The following ROR2 variants were observed in gnomAD, a reference collection of about 807,000 sequenced individuals.
ROR2 encodes tyrosine-protein kinase transmembrane receptor ROR2.
Under a neutral mutation model 74.9 loss-of-function variants are expected in ROR2, and 33 were observed. The ratio of observed to expected loss-of-function variants is 0.44; its 90% confidence interval spans 0.33 to 0.59. ROR2 has a LOEUF of 0.59. Among genes scored for constraint, ROR2 ranks in the 20% least tolerant of loss-of-function variants. The probability of loss-of-function intolerance (pLI) is 0.02; values close to 1 mark genes in which losing one functional copy is unlikely to be tolerated. For synonymous variants in ROR2, 586 were observed against 558.7 expected (o/e 1.05, Z -0.69); for missense variants, 1,216 against 1,313.8 (o/e 0.93, Z 1.15).
intron 1 of ROR2, among the ~76,000 whole-genome samples, chr9:91,837,591 G>A (rs1828647728): frequency 6.6e-6 from 1 of 152,202 alleles, no homozygotes; most frequent in African/African-American, 2.4e-5. Flanking sequence ...TAAGGGGCTT[G>A]GGGAAGAAGG....
intron 1 of ROR2, among the ~76,000 whole-genome samples, chr9:91,879,437 G>A (rs573113661): frequency 6.8e-6 from 1 of 147,502 alleles, no homozygotes; most frequent in Non-Finnish European, 1.5e-5. Flanking sequence ...TGTGGGTGTG[G>A]GGGGGTGTGT....
intron 1 of ROR2, among the ~76,000 whole-genome samples, chr9:91,806,871 A>G (rs146223362): frequency 0.023 from 3,572 of 152,254 alleles, 58 homozygotes; most frequent in Middle Eastern, 0.037. Context: ...TTACAGGCAT[A>G]AGCCATCGCG....
intron 1 of ROR2, among the ~76,000 whole-genome samples, chr9:91,830,822 G>GTGTGT (rs1554680727): frequency 2.0e-5 from 3 of 148,850 alleles, no homozygotes; most frequent in African/African-American, 7.5e-5. Context: ...GTGTGTGTGT[G>GTGTGT]TGTGTGTGTG....
Position 91,733,327 on chromosome 9 carries a change from C to T in ROR2, c.732G>A (p.Arg244=). 1 of 1,612,372 alleles carries T rather than the reference C, an allele frequency of 6.2e-7. No individual in the cohort carries two copies. Among genetic ancestry groups the T allele is most frequent in the Non-Finnish European group, 8.5e-7 (1 of 1,179,648 alleles). The change falls in exon 6 of 9, where the codon CGG becomes CGA. Residue 244 remains arginine (R), a synonymous_variant. Transcript: ENST00000375708. The surrounding 1 kb of genome is among the most constrained non-coding windows in gnomAD (Gnocchi z 5.7). Reference sequence around the variant, plus strand: ...GGCACAGCTCACGCGGCTTGGGTGTCCGGGAGCGCGCGTCGCACAGAGGAA... The same window carrying T: ...GGCACAGCTCACGCGGCTTGGGTGTTCGGGAGCGCGCGTCGCACAGAGGAA... ...FVFPLCDARS[R]TPKPRELCRD...
At chr9:91,796,479 C>G (rs1007645852) in intron 1 of ROR2, among the ~76,000 whole-genome samples, 1 of 147,414 alleles carries the variant, frequency 6.8e-6, no homozygotes, top group East Asian at 2.0e-4. Context: ...TTTACCTTTT[C>G]TTTCCAAATT....
intron 1 of ROR2, among the ~76,000 whole-genome samples, chr9:91,838,950 T>C (rs981460430): frequency 1.3e-5 from 2 of 152,012 alleles, no homozygotes; most frequent in African/African-American, 4.8e-5. Flanking sequence ...TAAGGGAGAA[T>C]TAGATAAATT....
intron 2 of ROR2, among the ~76,000 whole-genome samples, chr9:91,774,807 G>A (rs1321513972): frequency 1.3e-5 from 2 of 152,152 alleles, no homozygotes; most frequent in Non-Finnish European, 2.9e-5. Flanking sequence ...TTTTTGAGGG[G>A]TCTGGGCATC....
intron 2 of ROR2, among the ~76,000 whole-genome samples, chr9:91,766,987 T>C (rs184921006): frequency 7.9e-5 from 12 of 152,266 alleles, no homozygotes; most frequent in Admixed American, 3.3e-4. Flanking sequence ...GACAGGGAGC[T>C]GAGTCCAAGC....
intron 1 of ROR2, among the ~76,000 whole-genome samples, chr9:91,860,536 G>A (rs2119297592): frequency 6.6e-6 from 1 of 152,340 alleles, no homozygotes; most frequent in East Asian, 1.9e-4. Flanking sequence ...GAGGCTGAAA[G>A]ACCCACAATA....
chr9:91,729,568 C>G (rs1587661275), intron 7 of ROR2, among the ~76,000 whole-genome samples: 1 of 152,188 alleles, frequency 6.6e-6, no homozygotes, highest in African/African-American at 2.4e-5. Context: ...CGGGCCTGCA[C>G]CCCAGGAGGA....
chr9:91,915,449 T>C (rs77157573), intron 1 of ROR2, among the ~76,000 whole-genome samples: 13,491 of 152,174 alleles, frequency 0.089, 1,038 homozygotes, highest in African/African-American at 0.21. Flanking sequence ...TTAAAGGTGG[T>C]GTGTCTGGAG....
chr9:91,772,635 T>G (rs16907764), intron 2 of ROR2, among the ~76,000 whole-genome samples: 15,420 of 152,258 alleles, frequency 0.1, 1,093 homozygotes, highest in East Asian at 0.26. Flanking sequence ...ATGTGCCCAC[T>G]TGACGGGCCA....
intron 2 of ROR2, among the ~76,000 whole-genome samples, 184 bp from the exon 3 acceptor site, chr9:91,757,743 T>A (rs1463772778): frequency 6.6e-6 from 1 of 152,166 alleles, no homozygotes; most frequent in Non-Finnish European, 1.5e-5. Context: ...TAGTGAATAC[T>A]GAACCACTGC....
At chr9:91,916,369 C>G (rs537302372) in intron 1 of ROR2, among the ~76,000 whole-genome samples, 44 of 152,268 alleles carry the variant, frequency 2.9e-4, no homozygotes, top group African/African-American at 1.0e-3. Flanking sequence ...ATTCTTTAAT[C>G]TCGCCAAGCA....
intron 1 of ROR2, among the ~76,000 whole-genome samples, chr9:91,780,187 C>T (rs1031925293): frequency 6.6e-6 from 1 of 152,082 alleles, no homozygotes; most frequent in African/African-American, 2.4e-5. Context: ...ACCATCCTGG[C>T]TAACACAGTG....
chr9:91,808,411 G>C (rs1314389498), intron 1 of ROR2, among the ~76,000 whole-genome samples: 2 of 151,880 alleles, frequency 1.3e-5, no homozygotes, highest in Admixed American at 6.6e-5. Flanking sequence ...GAGGCGGGCG[G>C]AAGAGGTCAG....
At chr9:91,916,954 C>A (rs1002386261) in intron 1 of ROR2, among the ~76,000 whole-genome samples, 1 of 152,072 alleles carries the variant, frequency 6.6e-6, no homozygotes, top group African/African-American at 2.4e-5. Context: ...TTCCCTGCCC[C>A]CACAGACGCT....
chr9:91,856,591 G>T (rs1306600794), intron 1 of ROR2, among the ~76,000 whole-genome samples: 5 of 152,146 alleles, frequency 3.3e-5, no homozygotes. Flanking sequence ...GATGAGTCAG[G>T]GAGAGGACAG....
chr9:91,923,877 G>A (rs765793368), intron 1 of ROR2: 2 of 152,252 alleles, frequency 1.3e-5, no homozygotes, highest in Non-Finnish European at 2.9e-5. Context: ...GAGGAATGCA[G>A]GTGTCGTTCT....
Sources: allele counts gnomAD v4.1 joint callset (sites outside exome capture counted in the v4.1 genomes callset), GRCh38; gene constraint gnomAD v4.1.1; non-coding constraint Gnocchi (gnomAD v3.1); transcripts MANE v1.5; gene names NCBI Gene and HGNC (gene_info 2026-07-23, HGNC 2026-07-21).